Variants in ZBTB16 observed in about 807,000 individuals in gnomAD.
ZBTB16 encodes zinc finger and BTB domain containing 16.
ZBTB16 carries 8 observed loss-of-function variants against 56.8 expected under a neutral mutation model. The observed-to-expected ratio is 0.14, with a 90% CI of 0.08 to 0.25. The LOEUF is 0.25. Among genes scored for constraint, ZBTB16 ranks in the 10% least tolerant of loss-of-function variants. ZBTB16 has a pLI of 1.00. For missense variants in ZBTB16, 625 were observed against 903.0 expected (o/e 0.69, Z 3.95); for synonymous variants, 363 against 368.5 (o/e 0.98, Z 0.17).
chr11:114,131,860 G>T (rs1941668233), intron 2 of ZBTB16, among the ~76,000 whole-genome samples: 1 of 152,136 alleles, frequency 6.6e-6, no homozygotes, highest in African/African-American at 2.4e-5. Flanking sequence ...GGCAGAATCT[G>T]TCTGGTTTTG....
chr11:114,207,219 A>G (rs746532569), intron 4 of ZBTB16, among the ~76,000 whole-genome samples: 25 of 152,108 alleles, frequency 1.6e-4, no homozygotes, highest in Non-Finnish European at 2.9e-4. Context: ...CCCCAGCTAC[A>G]CAGTGAAATC....
chr11:114,246,966 G>T, intron 5 of ZBTB16: 1 of 593,092 alleles, frequency 1.7e-6, no homozygotes, highest in Non-Finnish European at 3.0e-6. Context: ...CTCTTTCCCA[G>T]GACTGGCCCT....
intron 2 of ZBTB16, among the ~76,000 whole-genome samples, chr11:114,115,283 C>G (rs1941136664): frequency 6.6e-6 from 1 of 151,448 alleles, no homozygotes; most frequent in African/African-American, 2.4e-5. Flanking sequence ...TGTTGCCTCT[C>G]CAGAGATCAA....
At chr11:114,221,355 C>G (rs1944229793) in intron 4 of ZBTB16, among the ~76,000 whole-genome samples, 1 of 152,212 alleles carries the variant, frequency 6.6e-6, no homozygotes, top group Non-Finnish European at 1.5e-5. Context: ...TCACTGGGGT[C>G]TTTCATCCTT....
intron 4 of ZBTB16, among the ~76,000 whole-genome samples, chr11:114,232,681 C>T (rs942880268): frequency 3.5e-5 from 4 of 114,684 alleles, no homozygotes; most frequent in Admixed American, 3.3e-4. Context: ...TGCCCTTCTC[C>T]TCTCTGGGTT....
intron 2 of ZBTB16, among the ~76,000 whole-genome samples, chr11:114,086,291 A>T (rs930972093): frequency 2.0e-5 from 3 of 151,918 alleles, no homozygotes; most frequent in Admixed American, 2.0e-4. Context: ...CCCCACCCCC[A>T]CTGGCACTTG....
At chr11:114,151,027 G>GCT (rs1400904006) in intron 2 of ZBTB16, among the ~76,000 whole-genome samples, 2 of 152,154 alleles carry the variant, frequency 1.3e-5, no homozygotes, top group Non-Finnish European at 2.9e-5. Flanking sequence ...TTTTGGAGAA[G>GCT]AGAGGATCAT....
chr11:114,210,162 AGTGTGTGTGTGTGT>A (rs139074973), intron 4 of ZBTB16, among the ~76,000 whole-genome samples: 6 of 134,642 alleles, frequency 4.5e-5, no homozygotes, highest in Admixed American at 2.2e-4. Context: ...AGCCAAAGCT[AGTGTGTGTGTGTGT>A]GTGTGTGTGT....
intron 2 of ZBTB16, among the ~76,000 whole-genome samples, chr11:114,087,385 G>A (rs565086853): frequency 2.0e-5 from 3 of 151,426 alleles, no homozygotes; most frequent in East Asian, 3.9e-4. Flanking sequence ...GTAGCCTCAC[G>A]GGCACACCAG....
chr11:114,233,334 C>T (rs1328306735), intron 4 of ZBTB16, among the ~76,000 whole-genome samples: 1 of 151,894 alleles, frequency 6.6e-6, no homozygotes, highest in African/African-American at 2.4e-5. Flanking sequence ...GTTTTTAATC[C>T]TCGGATTCAT....
At chr11:114,087,061 A>T (rs1200863170) in intron 2 of ZBTB16, among the ~76,000 whole-genome samples, 1 of 152,084 alleles carries the variant, frequency 6.6e-6, no homozygotes, top group Non-Finnish European at 1.5e-5. Flanking sequence ...TTGAATCCTG[A>T]CATTGCCACT....
intron 2 of ZBTB16, among the ~76,000 whole-genome samples, chr11:114,093,304 T>C (rs1173291907): frequency 1.3e-5 from 2 of 150,638 alleles, no homozygotes; most frequent in East Asian, 1.9e-4. Context: ...TGGTCTGTAT[T>C]GTGGAGAGGT....
chr11:114,172,416 A>G (rs1942994527), intron 3 of ZBTB16, among the ~76,000 whole-genome samples: 1 of 152,176 alleles, frequency 6.6e-6, no homozygotes, highest in Non-Finnish European at 1.5e-5. Context: ...GAGCCTCACA[A>G]GACCCATTTC....
At chr11:114,102,139 A>G (rs1940630305) in intron 2 of ZBTB16, among the ~76,000 whole-genome samples, 1 of 152,188 alleles carries the variant, frequency 6.6e-6, no homozygotes, top group Non-Finnish European at 1.5e-5. Flanking sequence ...CCTCTGGGAC[A>G]TACTAATTCC....
intron 4 of ZBTB16, among the ~76,000 whole-genome samples, chr11:114,192,951 A>AG (rs1279719028): frequency 6.6e-6 from 1 of 152,182 alleles, no homozygotes; most frequent in African/African-American, 2.4e-5. Flanking sequence ...TGAGTCCCCG[A>AG]GGGATGAGCA....
At chr11:114,103,685 G>A (rs1465001778) in intron 2 of ZBTB16, among the ~76,000 whole-genome samples, 2 of 151,992 alleles carry the variant, frequency 1.3e-5, no homozygotes, top group African/African-American at 4.8e-5. Flanking sequence ...TTTCTCTAGC[G>A]CTTATCAGAT....
intron 1 of ZBTB16, among the ~76,000 whole-genome samples, chr11:114,062,104 C>CTTT (rs35612820): frequency 1.1e-4 from 16 of 143,772 alleles, no homozygotes; most frequent in Non-Finnish European, 2.0e-4. Context: ...CACACACACA[C>CTTT]TTTTTTTTTT....
intron 4 of ZBTB16, among the ~76,000 whole-genome samples, chr11:114,224,883 AG>A (rs1396603819): frequency 6.6e-6 from 1 of 152,184 alleles, no homozygotes; most frequent in Non-Finnish European, 1.5e-5. Flanking sequence ...GTGACATGGG[AG>A]TCGCTGGATA....
intron 3 of ZBTB16, among the ~76,000 whole-genome samples, chr11:114,179,280 T>TAGAGAGAGAG (rs113097570): frequency 0.054 from 8,039 of 149,742 alleles, 237 homozygotes; most frequent in Middle Eastern, 0.084. Flanking sequence ...GAGAGAGAGC[T>TAGAGAGAGAG]AGAGAGAGAG....
Sources: allele counts gnomAD v4.1 joint callset (sites outside exome capture counted in the v4.1 genomes callset), GRCh38; gene constraint gnomAD v4.1.1; transcripts MANE v1.5; gene names NCBI Gene and HGNC (gene_info 2026-07-23, HGNC 2026-07-21).